The following ANKRD46 variants were observed in gnomAD, a reference collection of about 807,000 sequenced individuals.
ANKRD46 encodes the protein ankyrin repeat domain 46.
ANKRD46 carries 13 observed loss-of-function variants against 19.8 expected under a neutral mutation model. The observed-to-expected ratio is 0.66, with a 90% CI of 0.43 to 1.04. The LOEUF (loss-of-function observed/expected upper bound fraction) is 1.04, where lower values mean the gene tolerates loss of function less well. Among genes scored for constraint, ANKRD46 ranks in the 50% least tolerant of loss-of-function variants. The pLI is 0.00. For synonymous variants in ANKRD46, 91 were observed against 106.9 expected (o/e 0.85, Z 0.92); for missense variants, 185 against 274.8 (o/e 0.67, Z 2.31).
In ANKRD46 at chr8:100,545,163, A is replaced by T. The variant is rs1812247725; in HGVS notation, c.-130-11852T>A. ...AACACAGTGAGACCTTGTCTCTAAA[A>T]TATACATATATAAAAGTTAGGTGTG... On this transcript the variant is annotated intron_variant, in intron 1 of 4. Transcript: ENST00000335659. This position sits in a 1 kb window ranked among gnomAD's most constrained non-coding sequence, Gnocchi z 4.7. 6.6e-6 allele frequency among the ~76,000 whole-genome samples: 1 copy of T among 152,188 alleles called. No homozygotes were observed. The highest frequency in any genetic ancestry group is 1.5e-5 in the Non-Finnish European group (1 of 68,036).
At chr8:100,538,776 GGA>G (rs1288265914) in intron 1 of ANKRD46, among the ~76,000 whole-genome samples, 2 of 152,104 alleles carry the variant, frequency 1.3e-5, no homozygotes, top group African/African-American at 4.8e-5. Flanking sequence ...AAAGTAGCGG[GGA>G]GAGATATGTG....
downstream of ANKRD46, among the ~76,000 whole-genome samples, chr8:100,517,573 C>A (rs1811654556): frequency 6.6e-6 from 1 of 152,172 alleles, no homozygotes; most frequent in South Asian, 2.1e-4. Context: ...GACACCTATG[C>A]CTCTGGCTAT....
intron 4 of ANKRD46, 133 bp from the exon 5 acceptor site, chr8:100,522,904 C>CACATAT: frequency 3.3e-6 from 1 of 304,642 alleles, no homozygotes; most frequent in South Asian, 3.9e-5. Context: ...CACACACACA[C>CACATAT]ATATATATAT....
At position 100,550,477 on chromosome 8, in the gene ANKRD46, T is replaced by C. The variant is rs1812361551; in HGVS notation, c.-131+9234A>G. On this transcript the variant is annotated intron_variant, in intron 1 of 4. Transcript: ENST00000335659. The surrounding 1 kb of genome is among the most constrained non-coding windows in gnomAD (Gnocchi z 4.4). ...TCTGTATATCCTCTGTGATGAGGTG[T>C]CCATTAAGATCTTTGGCTCATTTTT... The C allele has an allele frequency of 1.9e-5, 3 of 154,604 alleles. No individual in the cohort carries two copies. Among genetic ancestry groups the C allele is most frequent in the Admixed American group, 1.3e-4 (2 of 15,362 alleles). 9.6% of individuals were successfully genotyped at this position (154,604 alleles called of 1,614,324 possible). A position where few individuals can be genotyped will look rare whatever the true frequency, so the allele number is the denominator to read the frequency against.
rs1304804207 is a variant in ANKRD46, at chr8:100,527,997, A to C, written c.318T>G (p.His106Gln). The C allele has an allele frequency of 8.4e-7, 1 of 1,196,786 alleles. No homozygotes were observed. Among genetic ancestry groups the C allele is most frequent in the Non-Finnish European group, 1.2e-6 (1 of 866,538 alleles). The allele number at this position is 1,196,786 out of a possible 1,614,324, so 74.1% of individuals were successfully genotyped here. Residue 106 changes from histidine to glutamine, a missense_variant, in exon 4 of 5, where the codon CAT (histidine) becomes CAG (glutamine). Transcript: ENST00000335659. This position sits in a 1 kb window ranked among gnomAD's most constrained non-coding sequence, Gnocchi z 4.0. ...CCAGAACTAAAGGGGTAGCACCTTG[A>C]TGATTGCTAAAAAAAAAAAAAAAAA... ...SNGLKIDICNHQGATPLVLAK... is the reference protein window; with the variant it reads ...SNGLKIDICNQQGATPLVLAK...
At position 100,532,555 on chromosome 8, in the gene ANKRD46, C is replaced by A. The variant is rs1444177871; in HGVS notation, c.-28+654G>T. 6.6e-6 allele frequency: 1 copy of A among 152,170 alleles called. No homozygotes were observed. The highest frequency in any genetic ancestry group is 1.5e-5 in the Non-Finnish European group (1 of 68,022). The allele number at this position is 152,170 out of a possible 1,614,324, so 9.4% of individuals were successfully genotyped here. On this transcript the variant is annotated intron_variant, in intron 2 of 4. Transcript: ENST00000335659. The surrounding 1 kb of genome is among the most constrained non-coding windows in gnomAD (Gnocchi z 4.7). ...TTACTCAATAAAATAGTCAAGAATT[C>A]TTTTGCGAGGGTAATCTAAATATTT...
At chr8:100,530,993 T>C (rs542365986) in intron 2 of ANKRD46, among the ~76,000 whole-genome samples, 19 of 152,284 alleles carry the variant, frequency 1.2e-4, no homozygotes, top group Non-Finnish European at 1.5e-4. Context: ...TCACAGATGT[T>C]TCCTGGCCCC....
chr8:100,552,597 T>C (rs1661500153), intron 1 of ANKRD46, among the ~76,000 whole-genome samples: 1 of 152,218 alleles, frequency 6.6e-6, no homozygotes, highest in Non-Finnish European at 1.5e-5. Flanking sequence ...CCATGTAACA[T>C]ATCACATTCC....
rs563544425 is a variant in ANKRD46, at chr8:100,552,330, G to C, written c.-131+7381C>G. ...CAGCCTCACTCATTACTTTGTGCTT[G>C]TACTCTATAGAGATGGTTATCCTAT... On this transcript the variant is annotated intron_variant, in intron 1 of 4. Coordinates refer to ENST00000335659, the MANE Select transcript of ANKRD46 (RefSeq NM_001270377.2). Among the ~76,000 whole-genome samples, 7 of 149,956 alleles carry C rather than the reference G, an allele frequency of 4.7e-5. No individual in the cohort carries two copies. In the South Asian group the frequency reaches 1.1e-3, roughly 23 times the overall value.
At chr8:100,523,748 A>G (rs1462075109) in intron 4 of ANKRD46, among the ~76,000 whole-genome samples, 2 of 152,058 alleles carry the variant, frequency 1.3e-5, no homozygotes, top group Non-Finnish European at 2.9e-5. Context: ...AGCTCAAGCA[A>G]TCCTCCTGCC....
chr8:100,528,314 A>G (rs995923363), intron 3 of ANKRD46, among the ~76,000 whole-genome samples: 1 of 152,114 alleles, frequency 6.6e-6, no homozygotes, highest in Non-Finnish European at 1.5e-5. Context: ...CCATCCTCAC[A>G]CTGAATGTCT....
intron 1 of ANKRD46, among the ~76,000 whole-genome samples, chr8:100,541,232 C>T (rs1812169719): frequency 6.6e-6 from 1 of 151,912 alleles, no homozygotes; most frequent in African/African-American, 2.4e-5. Context: ...CCCACCTTAG[C>T]AGACTTTATA....
At position 100,532,014 on chromosome 8, in the gene ANKRD46, G is replaced by C. The variant is rs534048439; in HGVS notation, c.-28+1195C>G. Among the ~76,000 whole-genome samples the C allele has an allele frequency of 6.6e-6, 1 of 152,256 alleles. No individual in the cohort carries two copies. Among genetic ancestry groups the C allele is most frequent in the East Asian group, 1.9e-4 (1 of 5,188 alleles). On this transcript the variant is annotated intron_variant, in intron 2 of 4. Coordinates refer to ENST00000335659, the MANE Select transcript of ANKRD46 (RefSeq NM_001270377.2). This position sits in a 1 kb window ranked among gnomAD's most constrained non-coding sequence, Gnocchi z 4.7. ...AGGGGACGCACTGGAGAGGAACAGA[G>C]AAGACAGAATTAGCACAACTTAATG...
downstream of ANKRD46, among the ~76,000 whole-genome samples, chr8:100,517,767 G>A (rs1358446637): frequency 3.9e-5 from 6 of 152,150 alleles, no homozygotes; most frequent in Admixed American, 6.5e-5. Context: ...GAATTGCTTC[G>A]GCCTGAACAA....
At chr8:100,556,518 G>A (rs1812504258) in intron 1 of ANKRD46, 1 of 152,148 alleles carries the variant, frequency 6.6e-6, no homozygotes, top group Non-Finnish European at 1.5e-5. Context: ...TTTACTATGG[G>A]AACGACTACA....
rs1400771281 is a variant in ANKRD46, at chr8:100,537,751, A to T, written c.-130-4440T>A. Among the ~76,000 whole-genome samples the T allele has an allele frequency of 6.6e-6, 1 of 152,222 alleles. No homozygotes were observed. Among genetic ancestry groups the T allele is most frequent in the Non-Finnish European group, 1.5e-5 (1 of 68,036 alleles). ...AACAATTTAAAATCCTTCCCAAAAC[A>T]TTAACAATATATTTCTTCAGTCTGC... On this transcript the variant is annotated intron_variant, in intron 1 of 4. Coordinates refer to ENST00000335659, the MANE Select transcript of ANKRD46 (RefSeq NM_001270377.2). The surrounding 1 kb of genome is among the most constrained non-coding windows in gnomAD (Gnocchi z 4.2).
chr8:100,541,494 A>C (rs140431466), intron 1 of ANKRD46, among the ~76,000 whole-genome samples: 44 of 152,320 alleles, frequency 2.9e-4, no homozygotes, highest in African/African-American at 1.0e-3. Context: ...CTGTTATGTG[A>C]ACAACACAGA....
intron 1 of ANKRD46, among the ~76,000 whole-genome samples, chr8:100,556,312 C>T (rs575293215): frequency 2.0e-4 from 30 of 152,352 alleles, no homozygotes; most frequent in South Asian, 1.9e-3. Flanking sequence ...TGAGCCACTT[C>T]GCCCAGCCCA....
At chr8:100,547,155 A>G (rs62515842) in intron 1 of ANKRD46, among the ~76,000 whole-genome samples, 1 of 152,144 alleles carries the variant, frequency 6.6e-6, no homozygotes, top group Non-Finnish European at 1.5e-5. Flanking sequence ...TGTGAAAAGG[A>G]CATGAGATTT....
Sources: gnomAD v4.1 joint callset for allele counts (sites outside exome capture counted in the v4.1 genomes callset) on GRCh38, gnomAD v4.1.1 for gene constraint, Gnocchi (gnomAD v3.1) non-coding constraint, MANE v1.5 for transcripts, NCBI Gene and HGNC (gene_info 2026-07-23, HGNC 2026-07-21) for gene names.